SH3BP4: variants seen among roughly 807,000 people sequenced by gnomAD.
SH3BP4 encodes the protein SH3 domain-binding protein 4.
SH3BP4 carries 33 observed loss-of-function variants against 65.5 expected under a neutral mutation model. That is an observed-to-expected ratio of 0.50 (90% CI 0.38 to 0.67). The LOEUF (loss-of-function observed/expected upper bound fraction) is 0.67. Among genes scored for constraint, SH3BP4 ranks in the 30% least tolerant of loss-of-function variants. SH3BP4 has a pLI of 0.00. For missense variants in SH3BP4, 1,134 were observed against 1,261.4 expected, an observed-to-expected ratio of 0.90 and a Z score of 1.53; for synonymous variants, 552 against 545.5, an observed-to-expected ratio of 1.01 and a Z score of -0.17.
intron 1 of SH3BP4, among the ~76,000 whole-genome samples, chr2:234,989,888 C>T (rs1372636256): frequency 6.6e-6 from 1 of 152,108 alleles, no homozygotes; most frequent in African/African-American, 2.4e-5. Context: ...GGGTGAACAC[C>T]CCTCATCCAA....
Position 235,034,988 on chromosome 2 carries a change from G to T in SH3BP4, c.-15G>T. ...ATGAAGCCTTAGCGGCTTTACCCGG[G>T]AAGCGAGTTTCGAGATGGCGGCTCA... On this transcript the variant is annotated 5_prime_UTR_variant, in exon 3 of 6. Transcript: ENST00000392011. This position sits in a 1 kb window ranked among gnomAD's most constrained non-coding sequence, Gnocchi z 6.2. The T allele has an allele frequency of 6.2e-7, 1 of 1,610,398 alleles. No individual in the cohort carries two copies. The highest frequency in any genetic ancestry group is 8.5e-7 in the Non-Finnish European group (1 of 1,176,950).
chr2:235,006,629 AG>A (rs547998802), intron 2 of SH3BP4, among the ~76,000 whole-genome samples: 25 of 152,210 alleles, frequency 1.6e-4, no homozygotes, highest in African/African-American at 6.0e-4. Context: ...CTGCTTTGCC[AG>A]GGGCCACCCA....
At chr2:234,959,374 C>CAGAGAGAGAGAG (rs35989295) in intron 1 of SH3BP4, among the ~76,000 whole-genome samples, 6 of 150,656 alleles carry the variant, frequency 4.0e-5, no homozygotes, top group Non-Finnish European at 8.9e-5. Flanking sequence ...AAAGAGCTGG[C>CAGAGAGAGAGAG]AGAGAGAGAG....
chr2:234,968,961 A>G (rs1027204973), intron 1 of SH3BP4, among the ~76,000 whole-genome samples: 1 of 152,212 alleles, frequency 6.6e-6, no homozygotes, highest in African/African-American at 2.4e-5. Context: ...ACAGTTGATC[A>G]CTGCCCTCTT....
chr2:235,041,586 G>GC lies in SH3BP4; in HGVS notation c.822dup (p.Glu275ArgfsTer51). 1 of 1,614,042 alleles carries GC rather than the reference G, an allele frequency of 6.2e-7. No homozygotes were observed. Among genetic ancestry groups the GC allele is most frequent in the Non-Finnish European group, 8.5e-7 (1 of 1,180,038 alleles). ...TTTCTTCACCGGCTTGAAATCACCT[G>GC]CCCCCGAGCAATTTCAGAGCCGGGA... On this transcript the variant is annotated frameshift_variant, in exon 4 of 6. Transcript: ENST00000392011. LOFTEE classifies it high-confidence loss of function. This position sits in a 1 kb window ranked among gnomAD's most constrained non-coding sequence, Gnocchi z 6.0.
chr2:235,036,714 C>T (rs1052765037), intron 3 of SH3BP4, among the ~76,000 whole-genome samples: 1 of 79,958 alleles, frequency 1.3e-5, no homozygotes, highest in Admixed American at 1.1e-4. Flanking sequence ...GAGATCACAC[C>T]ACTGCACTCT....
intron 2 of SH3BP4, among the ~76,000 whole-genome samples, chr2:234,999,340 C>T (rs190062127): frequency 2.0e-5 from 3 of 152,244 alleles, no homozygotes; most frequent in Non-Finnish European, 2.9e-5. Context: ...AGAAAGATTC[C>T]GCTATTATTT....
Position 234,973,165 on chromosome 2 carries a change from G to T in SH3BP4, c.-207+20995G>T, listed in dbSNP as rs115158377. Among the ~76,000 whole-genome samples, 925 of 152,250 alleles carry T rather than the reference G, an allele frequency of 6.1e-3. 7 individuals carry two copies. The highest frequency in any genetic ancestry group is 0.018 in the African/African-American group (738 of 41,554). On this transcript the variant is annotated intron_variant, in intron 1 of 5. Coordinates refer to ENST00000392011, the MANE Select transcript of SH3BP4 (RefSeq NM_014521.3). ...TCACAGAGACATTCTTTTTAGATGG[G>T]GTCATTTGTGTTCATATCTGCACCC...
chr2:234,998,384 A>C (rs1157513284), intron 2 of SH3BP4, among the ~76,000 whole-genome samples: 1 of 152,250 alleles, frequency 6.6e-6, no homozygotes, highest in African/African-American at 2.4e-5. Flanking sequence ...TTGAAGGTGC[A>C]GTGAAGAAAT....
intron 4 of SH3BP4, among the ~76,000 whole-genome samples, chr2:235,044,955 C>T (rs1191470017): frequency 6.6e-6 from 1 of 152,188 alleles, no homozygotes; most frequent in African/African-American, 2.4e-5. Context: ...GAAATCACTG[C>T]ACTTGGGTGG....
At chr2:235,032,257 C>G (rs1363024539) in intron 2 of SH3BP4, among the ~76,000 whole-genome samples, 1 of 152,204 alleles carries the variant, frequency 6.6e-6, no homozygotes, top group East Asian at 1.9e-4. Context: ...ACAGCTGACA[C>G]CCCCTGATTT....
chr2:235,035,564 A>G lies in SH3BP4; in HGVS notation c.118+444A>G, dbSNP rs1695352715. 6.6e-6 allele frequency among the ~76,000 whole-genome samples: 1 copy of G among 152,242 alleles called. No homozygotes were observed. The highest frequency in any genetic ancestry group is 1.5e-5 in the Non-Finnish European group (1 of 68,046). On this transcript the variant is annotated intron_variant, in intron 3 of 5. Transcript: ENST00000392011. The surrounding 1 kb of genome is among the most constrained non-coding windows in gnomAD (Gnocchi z 5.0). ...GCCGTATACCATCTCTGTCACAACT[A>G]TTCATTGCTGCCTCGTTGCATGAAA...
At chr2:234,988,128 C>T (rs571024749) in intron 1 of SH3BP4, among the ~76,000 whole-genome samples, 131 of 152,158 alleles carry the variant, frequency 8.6e-4, no homozygotes, top group Admixed American at 1.6e-3. Flanking sequence ...GGTGTAATCC[C>T]GCCTCACTGC....
rs114248584 is a variant in SH3BP4 at position 234,962,907 on chromosome 2, G to A, written c.-207+10737G>A. ...ATTTTAATATTTTAGTAGAGACACAGTTTCTACTAATTTTAATATTTTAGT... is the reference window on the plus strand; with the variant it reads ...ATTTTAATATTTTAGTAGAGACACAATTTCTACTAATTTTAATATTTTAGT... On this transcript the variant is annotated intron_variant, in intron 1 of 5. Coordinates refer to ENST00000392011, the MANE Select transcript of SH3BP4 (RefSeq NM_014521.3). Among the ~76,000 whole-genome samples the A allele has an allele frequency of 2.9e-3, 434 of 152,036 alleles. 2 individuals carry two copies. Among genetic ancestry groups the A allele is most frequent in the African/African-American group, 1.0e-2 (413 of 41,438 alleles).
rs1382914800 is a variant in SH3BP4, at chr2:235,054,004, A to G, written c.*188A>G. The G allele has an allele frequency of 9.0e-6, 5 of 557,410 alleles. No homozygotes were observed. The highest frequency in any genetic ancestry group is 2.8e-5 in the East Asian group (1 of 35,766). 34.5% of individuals were successfully genotyped at this position (557,410 alleles called of 1,614,324 possible). On this transcript the variant is annotated 3_prime_UTR_variant, in exon 6 of 6. Transcript: ENST00000392011. The stretch of plus-strand genomic sequence containing the variant: ...AGGGAGAGGCCTGAAGGGACTGCCT[A>G]CTGCAGCTCGTTGCCAATCACATAG...
At chr2:235,032,846 G>A (rs571900170) in intron 2 of SH3BP4, among the ~76,000 whole-genome samples, 4 of 152,174 alleles carry the variant, frequency 2.6e-5, no homozygotes, top group Non-Finnish European at 4.4e-5. Context: ...GGCGTCCGGG[G>A]TTCTCCCCAA....
chr2:234,969,089 T>C (rs537171102), intron 1 of SH3BP4, among the ~76,000 whole-genome samples: 2 of 152,326 alleles, frequency 1.3e-5, no homozygotes, highest in South Asian at 4.1e-4. Flanking sequence ...TTCAAGCTAG[T>C]CTCAGCCCAG....
In SH3BP4 at chr2:235,041,503, A is replaced by G. The variant is rs1425775283; in HGVS notation, c.734A>G (p.Tyr245Cys). Reference sequence around the variant, plus strand: ...CCCTTCTTCAGAAGCAAGCGCTCCTACAGTCTCTCGGAACTCTCCGTCCTC... The same window carrying G: ...CCCTTCTTCAGAAGCAAGCGCTCCTGCAGTCTCTCGGAACTCTCCGTCCTC... ...DNPFFRSKRS[Y>C]SLSELSVLQA... Residue 245 changes from tyrosine to cysteine, a missense_variant, in exon 4 of 6, where the codon TAC becomes TGC. Coordinates refer to ENST00000392011, the MANE Select transcript of SH3BP4 (RefSeq NM_014521.3). The surrounding 1 kb of genome is among the most constrained non-coding windows in gnomAD (Gnocchi z 6.0). The G allele has an allele frequency of 1.2e-6, 2 of 1,614,130 alleles. No individual in the cohort carries two copies. The highest frequency in any genetic ancestry group is 1.7e-6 in the Non-Finnish European group (2 of 1,180,032).
chr2:235,042,390 A>G lies in SH3BP4; in HGVS notation c.1621A>G (p.Met541Val). 2 of 1,614,110 alleles carry G rather than the reference A, an allele frequency of 1.2e-6. No individual in the cohort carries two copies. The highest frequency in any genetic ancestry group is 1.7e-6 in the Non-Finnish European group (2 of 1,180,022). ...LSRPQDLKVCMFSNMTNYEVK... is the reference protein window; with the variant it reads ...LSRPQDLKVCVFSNMTNYEVK... ...CAGGCCCCAGGATCTCAAGGTCTGT[A>G]TGTTTTCCAATATGACGAATTACGA... Residue 541 changes from methionine to valine, a missense_variant, in exon 4 of 6, where the codon ATG becomes GTG. Transcript: ENST00000392011. This position sits in a 1 kb window ranked among gnomAD's most constrained non-coding sequence, Gnocchi z 7.3.
Sources: gnomAD v4.1 joint callset for allele counts (sites outside exome capture counted in the v4.1 genomes callset) on GRCh38, gnomAD v4.1.1 for gene constraint, Gnocchi (gnomAD v3.1) non-coding constraint, MANE v1.5 for transcripts, NCBI Gene and HGNC (gene_info 2026-07-23, HGNC 2026-07-21) for gene names.